The following MDFIC variants were observed in gnomAD, a reference collection of about 807,000 sequenced individuals.
MDFIC encodes the protein myoD family inhibitor domain-containing protein.
A neutral mutation model predicts 23.2 loss-of-function variants in MDFIC; 17 were observed. The observed-to-expected ratio is 0.73, with a 90% CI of 0.50 to 1.10. The LOEUF is 1.10. Ranked by LOEUF, MDFIC falls within the 50% of genes least tolerant of loss-of-function variation. The pLI is 0.00. For missense variants in MDFIC, 356 were observed against 316.6 expected, an observed-to-expected ratio of 1.12 and a Z score of -0.95; for synonymous variants, 120 against 115.2, an observed-to-expected ratio of 1.04 and a Z score of -0.27.
chr7:114,952,874 G>A (rs926916776), intron 3 of MDFIC, among the ~76,000 whole-genome samples: 3 of 152,052 alleles, frequency 2.0e-5, no homozygotes, highest in Admixed American at 6.5e-5. Context: ...TTATCTTCAC[G>A]ATATTCCTTC....
intron 1 of MDFIC, 58 bp downstream of exon 1, chr7:114,922,694 C>T: frequency 7.4e-7 from 1 of 1,349,446 alleles, no homozygotes; most frequent in Non-Finnish European, 9.5e-7. Flanking sequence ...CCCCGGGGTT[C>T]TCCCAAACCC....
rs550363640 is a variant in MDFIC, at chr7:114,963,266, A to G, written c.218-16240A>G. ...AAGTACATTCTGTGATTTTTCTAAT[A>G]TATTTGTTAATGTTTATAATTTGAA... On this transcript the variant is annotated intron_variant, in intron 3 of 4. Coordinates refer to ENST00000393486, the MANE Select transcript of MDFIC (RefSeq NM_001166345.3). 8.5e-5 allele frequency among the ~76,000 whole-genome samples: 13 copies of G among 152,292 alleles called. No individual in the cohort carries two copies. In the East Asian group the frequency reaches 2.1e-3, roughly 25 times the overall value.
intron 3 of MDFIC, among the ~76,000 whole-genome samples, chr7:114,949,319 T>C (rs1382237328): frequency 6.6e-6 from 1 of 152,148 alleles, no homozygotes; most frequent in Non-Finnish European, 1.5e-5. Context: ...TCCTCTCCTA[T>C]TGGAGAGTGT....
chr7:114,988,771 C>T (rs1158572965), intron 4 of MDFIC, among the ~76,000 whole-genome samples: 2 of 152,084 alleles, frequency 1.3e-5, no homozygotes, highest in Admixed American at 6.6e-5. Context: ...TTCCAAAATG[C>T]ATTTGGAAAT....
intron 2 of MDFIC, among the ~76,000 whole-genome samples, chr7:114,938,176 G>A (rs181656725): frequency 2.6e-5 from 4 of 151,986 alleles, no homozygotes; most frequent in Non-Finnish European, 4.4e-5. Context: ...GGCTGGTCTC[G>A]AACTCCTGAC....
intron 4 of MDFIC, among the ~76,000 whole-genome samples, chr7:114,997,910 T>C (rs1202261355): frequency 6.6e-6 from 1 of 152,190 alleles, no homozygotes; most frequent in Non-Finnish European, 1.5e-5. Context: ...CTTACACATA[T>C]GAGGCACTTT....
At chr7:114,985,970 C>A (rs1793505188) in intron 4 of MDFIC, among the ~76,000 whole-genome samples, 1 of 151,134 alleles carries the variant, frequency 6.6e-6, no homozygotes, top group Non-Finnish European at 1.5e-5. Context: ...TGCTTTCTCA[C>A]CTGTAGCCAA....
intron 4 of MDFIC, among the ~76,000 whole-genome samples, chr7:114,997,512 G>A (rs1017295555): frequency 6.6e-6 from 1 of 151,648 alleles, no homozygotes; most frequent in South Asian, 2.1e-4. Flanking sequence ...CACTTTGGGA[G>A]GCCAAGGCGG....
intron 2 of MDFIC, among the ~76,000 whole-genome samples, chr7:114,933,641 A>G (rs913395296): frequency 1.3e-5 from 2 of 152,284 alleles, no homozygotes; most frequent in Non-Finnish European, 2.9e-5. Flanking sequence ...TGGCAATCAG[A>G]CAACCTCTTT....
intron 3 of MDFIC, among the ~76,000 whole-genome samples, chr7:114,946,962 A>AT (rs1447541103): frequency 6.6e-6 from 1 of 152,220 alleles, no homozygotes; most frequent in Non-Finnish European, 1.5e-5. Flanking sequence ...ACTGAAAGAA[A>AT]AGCAGATACT....
At chr7:114,972,998 G>A (rs986680083) in intron 3 of MDFIC, among the ~76,000 whole-genome samples, 1 of 151,636 alleles carries the variant, frequency 6.6e-6, no homozygotes, top group Non-Finnish European at 1.5e-5. Flanking sequence ...TTAATAGATT[G>A]TTTATATTTT....
intron 2 of MDFIC, among the ~76,000 whole-genome samples, chr7:114,937,943 T>C (rs1792460018): frequency 6.6e-6 from 1 of 152,230 alleles, no homozygotes; most frequent in African/African-American, 2.4e-5. Context: ...TAGCATTATA[T>C]ATAATTCAGA....
intron 2 of MDFIC, among the ~76,000 whole-genome samples, chr7:114,928,420 C>T (rs181138626): frequency 1.1e-4 from 16 of 152,042 alleles, no homozygotes; most frequent in Non-Finnish European, 1.9e-4. Flanking sequence ...AGAACATGGG[C>T]GAGAGAAAAT....
Position 114,966,578 on chromosome 7 carries a change from A to G in MDFIC, c.218-12928A>G, listed in dbSNP as rs543425341. ...GTCATCTTGGAATTTTACAACCCAC[A>G]GTCACATGACTACAGCTCCCACCAA... On this transcript the variant is annotated intron_variant, in intron 3 of 4. Transcript: ENST00000393486. Among the ~76,000 whole-genome samples, 14 of 152,318 alleles carry G rather than the reference A, an allele frequency of 9.2e-5. No individual in the cohort carries two copies. In the South Asian group the frequency reaches 2.9e-3, roughly 32 times the overall value.
At chr7:114,938,305 C>T (rs1792469760) in intron 2 of MDFIC, among the ~76,000 whole-genome samples, 1 of 152,086 alleles carries the variant, frequency 6.6e-6, no homozygotes, top group Non-Finnish European at 1.5e-5. Context: ...GAAATAAATA[C>T]CTCTATATTA....
intron 2 of MDFIC, among the ~76,000 whole-genome samples, chr7:114,930,263 T>G (rs983659648): frequency 2.6e-5 from 4 of 152,158 alleles, no homozygotes; most frequent in African/African-American, 9.7e-5. Context: ...GCAGACAGAA[T>G]GGATTTTGCA....
At chr7:114,992,086 C>G (rs1791181481) in intron 4 of MDFIC, among the ~76,000 whole-genome samples, 1 of 152,100 alleles carries the variant, frequency 6.6e-6, no homozygotes, top group South Asian at 2.1e-4. Flanking sequence ...AGTTGGATTC[C>G]TAGGTATTTT....
In MDFIC at chr7:114,985,170, C is replaced by T. The variant is rs113234376; in HGVS notation, c.493+5389C>T. Among the ~76,000 whole-genome samples the T allele has an allele frequency of 2.6e-3, 393 of 152,218 alleles. 1 individual carries two copies. Among genetic ancestry groups the T allele is most frequent in the Middle Eastern group, 6.8e-3 (2 of 294 alleles). Reference sequence around the variant, plus strand: ...GTTACTTAGCCTCTTTTTGCATCAGCGTCTCATCTCTAAAATGGTGATATT... The same window carrying T: ...GTTACTTAGCCTCTTTTTGCATCAGTGTCTCATCTCTAAAATGGTGATATT... On this transcript the variant is annotated intron_variant, in intron 4 of 4. Transcript: ENST00000393486.
chr7:114,943,580 A>G (rs1485074284), intron 3 of MDFIC, among the ~76,000 whole-genome samples: 4 of 152,206 alleles, frequency 2.6e-5, no homozygotes, highest in African/African-American at 7.2e-5. Context: ...AGGAAGATTT[A>G]TATAGCTTTA....
Sources: allele counts gnomAD v4.1 joint callset (sites outside exome capture counted in the v4.1 genomes callset), GRCh38; gene constraint gnomAD v4.1.1; transcripts MANE v1.5; gene names NCBI Gene and HGNC (gene_info 2026-07-23, HGNC 2026-07-21).